ANK2: variants seen among roughly 807,000 people sequenced by gnomAD.
The protein encoded by ANK2 is ankyrin 2.
A neutral mutation model predicts 360.5 loss-of-function variants in ANK2; 83 were observed. The observed-to-expected ratio is 0.23, with a 90% confidence interval of 0.19 to 0.28. The LOEUF (loss-of-function observed/expected upper bound fraction) is 0.28, where lower values mean the gene tolerates loss of function less well. Ranked by LOEUF, ANK2 falls within the 10% of genes least tolerant of loss-of-function variation. The pLI is 1.00. For missense variants in ANK2, 4,201 were observed against 4,795.7 expected, an observed-to-expected ratio of 0.88 and a Z score of 3.66; for synonymous variants, 1,740 against 1,759.5, an observed-to-expected ratio of 0.99 and a Z score of 0.28.
chr4:113,308,784 G>A (rs948128605), intron 23 of ANK2, among the ~76,000 whole-genome samples: 14 of 152,186 alleles, frequency 9.2e-5, no homozygotes, highest in African/African-American at 1.2e-4. Context: ...AAATATGGAT[G>A]TTTTATCCAT....
the ANK2 span, among the ~76,000 whole-genome samples, chr4:112,719,410 A>T: frequency 1.3e-5 from 2 of 152,134 alleles, no homozygotes; most frequent in African/African-American, 4.8e-5. Flanking sequence ...AACTAAGCAG[A>T]TAGAATGTGA....
chr4:112,729,102 G>A, the ANK2 span, among the ~76,000 whole-genome samples: 10 of 152,092 alleles, frequency 6.6e-5, no homozygotes, highest in African/African-American at 2.4e-4. Context: ...TAGGGGATGA[G>A]GCGGGAGGAT....
chr4:112,885,838 C>G (rs550843958), intron 1 of ANK2, among the ~76,000 whole-genome samples: 1 of 148,200 alleles, frequency 6.7e-6, no homozygotes, highest in African/African-American at 2.5e-5. Context: ...AAATAAGCAG[C>G]GCAACCTTCC....
chr4:112,796,316 G>A, the ANK2 span, among the ~76,000 whole-genome samples: 2 of 151,862 alleles, frequency 1.3e-5, no homozygotes, highest in Non-Finnish European at 2.9e-5. Context: ...CCAGCTACTC[G>A]GGAGGCTGAG....
chr4:113,110,909 T>C (rs2094219981), intron 1 of ANK2, among the ~76,000 whole-genome samples: 1 of 152,178 alleles, frequency 6.6e-6, no homozygotes, highest in Non-Finnish European at 1.5e-5. Flanking sequence ...CTATAGTTGA[T>C]TTGGATGTGC....
chr4:113,069,986 A>C (rs1348135279), intron 1 of ANK2: 2 of 152,168 alleles, frequency 1.3e-5, no homozygotes, highest in Non-Finnish European at 1.5e-5. Context: ...CCTCATCCGA[A>C]GTCCTGGGGG....
rs115904132 is a variant in ANK2 at position 113,191,440 on chromosome 4, A to C, written c.187-4928A>C. 5.1e-3 allele frequency among the ~76,000 whole-genome samples: 784 copies of C among 152,260 alleles called. 7 individuals are homozygous for C. Among genetic ancestry groups the C allele is most frequent in the African/African-American group, 0.018 (756 of 41,546 alleles). On this transcript the variant is annotated intron_variant, in intron 2 of 45. Transcript: ENST00000357077. ...TATTGACAAGGGTGACTACTAATAA[A>C]CCAAGCTCCTTTTACCCATCTACTT...
At chr4:112,914,795 CCT>C (rs1226554968) in intron 2 of ANK2, among the ~76,000 whole-genome samples, 4 of 152,092 alleles carry the variant, frequency 2.6e-5, no homozygotes, top group Admixed American at 6.6e-5. Context: ...CGATCCTACC[CCT>C]GTTTTTTTAG....
intron 14 of ANK2, among the ~76,000 whole-genome samples, chr4:113,268,052 G>A (rs2056940799): frequency 6.6e-6 from 1 of 152,100 alleles, no homozygotes; most frequent in African/African-American, 2.4e-5. Context: ...CTCTCTGTTT[G>A]TCTATTATTG....
In ANK2 at chr4:112,988,019, G is replaced by C. The variant is rs2154276788; in HGVS notation, c.21+83505G>C. ...GCTAGCACGACCAAGGAGAAAAATGGGTTCCAAATCAGGATAAAGTATGTA... is the reference window on the plus strand; with the variant it reads ...GCTAGCACGACCAAGGAGAAAAATGCGTTCCAAATCAGGATAAAGTATGTA... On this transcript the variant is annotated intron_variant, in intron 2 of 30. Transcript: ENST00000503271. Among the ~76,000 whole-genome samples, 4 of 152,236 alleles carry C rather than the reference G, an allele frequency of 2.6e-5. No homozygotes were observed. The South Asian group carries it at 8.3e-4, about 32-fold the overall frequency.
the ANK2 span, among the ~76,000 whole-genome samples, chr4:112,753,833 C>T: frequency 1.3e-5 from 2 of 152,146 alleles, no homozygotes; most frequent in South Asian, 4.1e-4. Context: ...CATTGTGGCT[C>T]ATCCCTGTAA....
At chr4:113,245,923 G>C (rs975236607) in intron 9 of ANK2, among the ~76,000 whole-genome samples, 3 of 151,818 alleles carry the variant, frequency 2.0e-5, no homozygotes, top group African/African-American at 7.3e-5. Flanking sequence ...TCCTACCTCA[G>C]CCTCCCAAGT....
At chr4:113,259,191 T>A (rs577108084) in intron 13 of ANK2, among the ~76,000 whole-genome samples, 1 of 152,126 alleles carries the variant, frequency 6.6e-6, no homozygotes, top group African/African-American at 2.4e-5. Context: ...AATCATTGAA[T>A]GCAAATGTTC....
chr4:112,836,636 TA>T (rs1358577763), intron 1 of ANK2, among the ~76,000 whole-genome samples: 1 of 152,150 alleles, frequency 6.6e-6, no homozygotes, highest in Non-Finnish European at 1.5e-5. Flanking sequence ...ATGAGGAACT[TA>T]TTGGGAACTG....
chr4:112,840,527 G>A (rs1322077679), intron 1 of ANK2, among the ~76,000 whole-genome samples: 1 of 152,144 alleles, frequency 6.6e-6, no homozygotes, highest in Non-Finnish European at 1.5e-5. Context: ...GCGGGGATAA[G>A]GGCCACAGGC....
chr4:112,729,220 A>G, the ANK2 span, among the ~76,000 whole-genome samples: 3 of 151,924 alleles, frequency 2.0e-5, no homozygotes, highest in African/African-American at 7.2e-5. Flanking sequence ...AAACAAAGAA[A>G]CAGGAACCTA....
intron 2 of ANK2, among the ~76,000 whole-genome samples, chr4:113,025,007 TTACTC>T (rs1323736902): frequency 6.6e-6 from 1 of 152,162 alleles, no homozygotes; most frequent in Admixed American, 6.6e-5. Flanking sequence ...CATTGATTCA[TTACTC>T]TAGGAGTTTT....
chr4:112,764,256 A>G, the ANK2 span, among the ~76,000 whole-genome samples: 366 of 151,794 alleles, frequency 2.4e-3, 1 homozygote, highest in African/African-American at 8.4e-3. Flanking sequence ...TCTGGCTTTC[A>G]TGATTATTTT....
intron 2 of ANK2, among the ~76,000 whole-genome samples, chr4:112,953,333 C>CAT (rs2095146922): frequency 1.3e-5 from 2 of 152,172 alleles, no homozygotes; most frequent in South Asian, 4.1e-4. Flanking sequence ...AATAATTATT[C>CAT]ATGTTTCTAT....
Sources: gnomAD v4.1 joint callset for allele counts (sites outside exome capture counted in the v4.1 genomes callset) on GRCh38, gnomAD v4.1.1 for gene constraint, MANE v1.5 for transcripts, NCBI Gene and HGNC (gene_info 2026-07-23, HGNC 2026-07-21) for gene names.